The following GALNT1 variants were observed in gnomAD, a reference collection of about 807,000 sequenced individuals.
GALNT1 encodes GalNAc transferase 1.
GALNT1 carries 17 observed loss-of-function variants against 65.7 expected under a neutral mutation model. The ratio of observed to expected loss-of-function variants is 0.26; its 90% confidence interval spans 0.18 to 0.39. The LOEUF is 0.39. GALNT1 is among the 10% of genes least tolerant of loss of function. The pLI is 1.00. For missense variants in GALNT1, 460 were observed against 672.8 expected, an observed-to-expected ratio of 0.68 and a Z score of 3.50; for synonymous variants, 210 against 219.7, an observed-to-expected ratio of 0.96 and a Z score of 0.39.
chr18:35,623,946 C>T (rs555086826), intron 1 of GALNT1, among the ~76,000 whole-genome samples: 180 of 152,176 alleles, frequency 1.2e-3, no homozygotes, highest in Non-Finnish European at 2.1e-3. Flanking sequence ...TTTCATGTCT[C>T]GTAATTTTTT....
At chr18:35,697,146 C>CCTTTATCCTGTGGATAAAGG (rs2048071886) in intron 9 of GALNT1, among the ~76,000 whole-genome samples, 1 of 152,058 alleles carries the variant, frequency 6.6e-6, no homozygotes, top group African/African-American at 2.4e-5. Flanking sequence ...GAAAGAAAAC[C>CCTTTATCCTGTGGATAAAGG]AACGGTTACT....
rs2048348612 is a variant in GALNT1, at chr18:35,711,396, A to C, written c.*1626A>C. The stretch of plus-strand genomic sequence containing the variant: ...GATATTTGCCAAGTTGAGTGTACAC[A>C]AAGTTTCTCATATCCTGTTCAAGTT... On this transcript the variant is annotated 3_prime_UTR_variant, in exon 12 of 12. Transcript: ENST00000269195. The C allele has an allele frequency of 6.6e-6, 1 of 152,664 alleles. No individual in the cohort carries two copies. Among genetic ancestry groups the C allele is most frequent in the South Asian group, 2.1e-4 (1 of 4,834 alleles). 9.5% of individuals were successfully genotyped at this position (152,664 alleles called of 1,614,324 possible).
At chr18:35,597,101 C>T (rs1386607207) in intron 1 of GALNT1, 2 of 152,200 alleles carry the variant, frequency 1.3e-5, no homozygotes, top group Non-Finnish European at 2.9e-5. Flanking sequence ...GCAGGAGTGA[C>T]CTGATCAACA....
At chr18:35,669,012 T>C (rs560340428) in intron 3 of GALNT1, among the ~76,000 whole-genome samples, 54 of 152,208 alleles carry the variant, frequency 3.5e-4, no homozygotes, top group African/African-American at 1.2e-3. Flanking sequence ...GAGGCCGAGG[T>C]GGGCGGATCA....
At chr18:35,659,600 T>C (rs892273074) in intron 2 of GALNT1, among the ~76,000 whole-genome samples, 2 of 152,178 alleles carry the variant, frequency 1.3e-5, no homozygotes, top group African/African-American at 4.8e-5. Flanking sequence ...ATATAGAGTG[T>C]TCAGTATTTT....
At chr18:35,642,597 A>G (rs1284156974) in intron 1 of GALNT1, among the ~76,000 whole-genome samples, 1 of 152,148 alleles carries the variant, frequency 6.6e-6, no homozygotes, top group Non-Finnish European at 1.5e-5. Context: ...GACATGTTTT[A>G]TACGTACTCT....
At chr18:35,699,777 T>G (rs2048125086) in intron 9 of GALNT1, among the ~76,000 whole-genome samples, 1 of 151,140 alleles carries the variant, frequency 6.6e-6, no homozygotes, top group Admixed American at 6.6e-5. Context: ...GTTTTAAAAT[T>G]TTTTCAAATG....
chr18:35,632,195 A>C (rs918032342), intron 1 of GALNT1, among the ~76,000 whole-genome samples: 5 of 152,202 alleles, frequency 3.3e-5, no homozygotes, highest in African/African-American at 1.2e-4. Flanking sequence ...ATTGGAAAAA[A>C]CTACTTTAAA....
chr18:35,581,041 C>T (rs2046305517), upstream of GALNT1: 1 of 152,080 alleles, frequency 6.6e-6, no homozygotes, highest in South Asian at 2.1e-4. Context: ...CCTCCTGCAT[C>T]GCGGTCGCCA....
intron 1 of GALNT1, among the ~76,000 whole-genome samples, chr18:35,646,883 A>G (rs1335339320): frequency 6.6e-6 from 1 of 152,156 alleles, no homozygotes; most frequent in Non-Finnish European, 1.5e-5. Context: ...AAGGCACCTC[A>G]TACTCAACAT....
At chr18:35,649,976 C>G (rs938891859) in intron 1 of GALNT1, among the ~76,000 whole-genome samples, 8 of 152,032 alleles carry the variant, frequency 5.3e-5, no homozygotes, top group African/African-American at 1.9e-4. Flanking sequence ...CCGAAGATTC[C>G]CAGATGATGT....
intron 1 of GALNT1, among the ~76,000 whole-genome samples, chr18:35,647,431 G>A (rs900799905): frequency 2.7e-5 from 4 of 148,678 alleles, no homozygotes; most frequent in African/African-American, 1.0e-4. Context: ...GACTGAATGA[G>A]TTAATAAGTG....
chr18:35,698,813 C>CA (rs1049609319), intron 9 of GALNT1, among the ~76,000 whole-genome samples: 16 of 149,838 alleles, frequency 1.1e-4, no homozygotes, highest in Admixed American at 2.0e-4. Flanking sequence ...CCTGTCTCTA[C>CA]AAAAAAAAAT....
chr18:35,592,309 T>G (rs1010929540), intron 1 of GALNT1, among the ~76,000 whole-genome samples: 3 of 152,064 alleles, frequency 2.0e-5, no homozygotes, highest in Non-Finnish European at 4.4e-5. Flanking sequence ...ATGAGGAAGA[T>G]AAAAATAGAA....
intron 4 of GALNT1, among the ~76,000 whole-genome samples, chr18:35,678,874 T>C (rs921093917): frequency 1.1e-4 from 16 of 152,212 alleles, no homozygotes; most frequent in Non-Finnish European, 7.3e-5. Context: ...ATATCAATTA[T>C]TTGGAGTAAT....
intron 6 of GALNT1, 22 bp from the exon 7 acceptor site, chr18:35,689,151 G>GTA (rs1292476178): frequency 1.4e-6 from 2 of 1,410,546 alleles, no homozygotes; most frequent in African/African-American, 2.8e-5. Context: ...ATTGCTAATG[G>GTA]TATAGCATTA....
chr18:35,697,055 T>G (rs2048070071), intron 9 of GALNT1, among the ~76,000 whole-genome samples: 1 of 152,194 alleles, frequency 6.6e-6, no homozygotes. Flanking sequence ...TCAAAAATAG[T>G]AGTTTTAAAG....
chr18:35,606,824 TG>T (rs1205308564), intron 1 of GALNT1, among the ~76,000 whole-genome samples: 5 of 16,826 alleles, frequency 3.0e-4, no homozygotes, highest in African/African-American at 1.9e-4. Flanking sequence ...TGATGTTTTG[TG>T]TGTGTGTGTG....
At chr18:35,693,535 T>C (rs1221492474) in intron 9 of GALNT1, among the ~76,000 whole-genome samples, 2 of 152,158 alleles carry the variant, frequency 1.3e-5, no homozygotes, top group African/African-American at 4.8e-5. Flanking sequence ...AGAAAAACTA[T>C]ATGGAAACAG....
Sources: allele counts gnomAD v4.1 joint callset (sites outside exome capture counted in the v4.1 genomes callset), GRCh38; gene constraint gnomAD v4.1.1; transcripts MANE v1.5; gene names NCBI Gene and HGNC (gene_info 2026-07-23, HGNC 2026-07-21).